DNAH11: variants seen among roughly 807,000 people sequenced by gnomAD.
DNAH11 encodes dynein axonemal heavy chain 11, also known as axonemal beta dynein heavy chain 11.
In DNAH11, 442 loss-of-function variants were observed where a neutral mutation model predicts 526.0. The observed-to-expected ratio is 0.84, with a 90% CI of 0.78 to 0.91. The LOEUF (loss-of-function observed/expected upper bound fraction) is 0.91. DNAH11 is among the 40% of genes least tolerant of loss of function. DNAH11 has a pLI of 0.00. For missense variants in DNAH11, 6,989 were observed against 5,448.7 expected (o/e 1.28, Z -8.90); for synonymous variants, 2,461 against 1,935.9 (o/e 1.27, Z -7.12).
Position 21,655,894 on chromosome 7 carries a change from G to A in DNAH11, c.5007G>A (p.Gln1669=). 1.9e-6 allele frequency: 3 copies of A among 1,613,326 alleles called. No individual in the cohort carries two copies. Among genetic ancestry groups the A allele is most frequent in the Non-Finnish European group, 2.5e-6 (3 of 1,179,548 alleles). ...CAGATCTGCAGTTTGAAGACAATCA[G>A]GATGTTTCTGCACACAGGGCAGTTG... ...SIADLQFEDN[Q]DVSAHRAVGM... Residue 1669 remains glutamine, a synonymous_variant, in exon 29 of 82, where the codon CAG becomes CAA. Transcript: ENST00000409508.
In DNAH11 at chr7:21,589,271, T is replaced by C. The variant is rs1784591457; in HGVS notation, c.2037T>C (p.Leu679=). 2 of 1,610,376 alleles carry C rather than the reference T, an allele frequency of 1.2e-6. No homozygotes were observed. Among genetic ancestry groups the C allele is most frequent in the Non-Finnish European group, 1.7e-6 (2 of 1,178,810 alleles). The change falls in exon 12 of 82, where the codon CTT becomes CTC. Residue 679 remains leucine, a synonymous_variant. Coordinates refer to ENST00000409508, the MANE Select transcript of DNAH11 (RefSeq NM_001277115.2). The part of the protein sequence containing the change: ...YQKYVEMTTL[L]DQFESRIYNE... Reference sequence around the variant, plus strand: ...AGTATGTTGAAATGACCACTTTGCTTGATCAATTTGAAAGTCGTATCTATA... The same window carrying C: ...AGTATGTTGAAATGACCACTTTGCTCGATCAATTTGAAAGTCGTATCTATA...
chr7:21,688,976 A>G (rs1181270878), intron 34 of DNAH11, among the ~76,000 whole-genome samples: 5 of 152,318 alleles, frequency 3.3e-5, no homozygotes, highest in Non-Finnish European at 5.9e-5. Context: ...AACATTTTCA[A>G]TGTCCCAAGG....
intron 65 of DNAH11, among the ~76,000 whole-genome samples, chr7:21,820,365 G>C (rs941320149): frequency 2.0e-5 from 3 of 152,154 alleles, no homozygotes; most frequent in African/African-American, 7.2e-5. Flanking sequence ...ATGGCAAGGA[G>C]TTGTCAGTTC....
At chr7:21,841,774 ATT>A (rs1405088718) in intron 65 of DNAH11, among the ~76,000 whole-genome samples, 2 of 152,206 alleles carry the variant, frequency 1.3e-5, no homozygotes, top group Non-Finnish European at 2.9e-5. Context: ...TCAAATAAAA[ATT>A]TGTAAATTAG....
At chr7:21,602,535 G>A (rs1785131910) in intron 18 of DNAH11, among the ~76,000 whole-genome samples, 1 of 151,372 alleles carries the variant, frequency 6.6e-6, no homozygotes, top group Non-Finnish European at 1.5e-5. Context: ...CTTTTTCTAT[G>A]CCAATATTGA....
At chr7:21,637,957 C>G (rs1786946845) in intron 27 of DNAH11, among the ~76,000 whole-genome samples, 1 of 152,016 alleles carries the variant, frequency 6.6e-6, no homozygotes, top group Non-Finnish European at 1.5e-5. Context: ...ATCTTATTAT[C>G]AAGAGAATTG....
intron 2 of DNAH11, among the ~76,000 whole-genome samples, chr7:21,547,406 C>A (rs967970471): frequency 3.9e-5 from 6 of 152,200 alleles, no homozygotes; most frequent in Non-Finnish European, 8.8e-5. Context: ...GGCAGTCTTG[C>A]AAGATCGGGT....
intron 76 of DNAH11, among the ~76,000 whole-genome samples, chr7:21,891,901 A>C (rs562709780): frequency 1.3e-5 from 2 of 152,198 alleles, no homozygotes; most frequent in Non-Finnish European, 2.9e-5. Flanking sequence ...ATAATTATAA[A>C]ATTCAGGTAT....
At chr7:21,553,862 C>G (rs1038153215) in intron 2 of DNAH11, among the ~76,000 whole-genome samples, 1 of 152,108 alleles carries the variant, frequency 6.6e-6, no homozygotes, top group Non-Finnish European at 1.5e-5. Flanking sequence ...CTGAGCCTCC[C>G]TTAGTAATTT....
At chr7:21,774,138 ACTG>A (rs1367601776) in intron 56 of DNAH11, 139 bp downstream of exon 56, 1 of 784,440 alleles carries the variant, frequency 1.3e-6, no homozygotes, top group Non-Finnish European at 2.0e-6. Context: ...CCAAGAATAC[ACTG>A]CTACTGCTTT....
In DNAH11 at chr7:21,748,648, G is replaced by T; in HGVS notation, c.8579G>T (p.Gly2860Val). 6.2e-7 allele frequency: 1 copy of T among 1,613,434 alleles called. No individual in the cohort carries two copies. Among genetic ancestry groups the T allele is most frequent in the Non-Finnish European group, 8.5e-7 (1 of 1,179,550 alleles). ...CTCTTGGTTGGAGTTGGGGGCAGTGGCAAGCAGAGCTTGTCCAGGCTGGCA... is the reference window on the plus strand; with the variant it reads ...CTCTTGGTTGGAGTTGGGGGCAGTGTCAAGCAGAGCTTGTCCAGGCTGGCA... ...CALLVGVGGSGKQSLSRLAAY... is the reference protein window; with the variant it reads ...CALLVGVGGSVKQSLSRLAAY... The change falls in exon 52 of 82, where the codon GGC becomes GTC. Residue 2860 changes from glycine to valine, a missense_variant. By Grantham distance (109) the Gly-to-Val change is moderately radical. Transcript: ENST00000409508.
chr7:21,772,428 A>G (rs1787481169), intron 55 of DNAH11, among the ~76,000 whole-genome samples: 1 of 148,360 alleles, frequency 6.7e-6, no homozygotes, highest in Non-Finnish European at 1.5e-5. Context: ...GTAGAAAGGT[A>G]TGTGTGTACC....
At chr7:21,825,384 A>G (rs1196685645) in intron 65 of DNAH11, among the ~76,000 whole-genome samples, 2 of 152,198 alleles carry the variant, frequency 1.3e-5, no homozygotes, top group African/African-American at 4.8e-5. Flanking sequence ...TATGTTCTAT[A>G]GTGAGATAGT....
At chr7:21,627,613 C>G (rs892373145) in intron 25 of DNAH11, among the ~76,000 whole-genome samples, 1 of 151,986 alleles carries the variant, frequency 6.6e-6, no homozygotes, top group Non-Finnish European at 1.5e-5. Flanking sequence ...TATCTTGGGT[C>G]TCTATTCTGT....
In DNAH11 at chr7:21,901,039, G is replaced by A; in HGVS notation, c.13336G>A (p.Val4446Ile). ...ARWDTQAGTI[V>I]EARLKELACP... ...CTGGGACACCCAAGCAGGAACCATT[G>A]TTGAAGCCCGTCTCAAGGAGCTGGC... Residue 4446 changes from valine to isoleucine, a missense_variant, in exon 82 of 82, where the codon GTT (valine) becomes ATT (isoleucine). Physicochemically the swap from Val to Ile is conservative, Grantham distance 29. Transcript: ENST00000409508. 4 of 1,612,278 alleles carry A rather than the reference G, an allele frequency of 2.5e-6. No homozygotes were observed. The highest frequency in any genetic ancestry group is 3.4e-6 in the Non-Finnish European group (4 of 1,179,072).
At chr7:21,611,022 T>C (rs752056982) in intron 20 of DNAH11, among the ~76,000 whole-genome samples, 1 of 152,196 alleles carries the variant, frequency 6.6e-6, no homozygotes, top group South Asian at 2.1e-4. Flanking sequence ...CCTACAGAGC[T>C]GGTAAAACAT....
chr7:21,718,086 C>G (rs1034837715), intron 43 of DNAH11, among the ~76,000 whole-genome samples, 161 bp downstream of exon 43: 1 of 150,696 alleles, frequency 6.6e-6, no homozygotes, highest in African/African-American at 2.5e-5. Flanking sequence ...CCCATGTTCC[C>G]TGGATCTTTT....
intron 63 of DNAH11, 111 bp from the exon 64 acceptor site, chr7:21,816,356 A>G (rs1789789954): frequency 1.2e-6 from 1 of 810,368 alleles, no homozygotes; most frequent in Non-Finnish European, 2.0e-6. Context: ...ACAGAAAATT[A>G]TCATGTGTTT....
At chr7:21,581,601 G>T (rs1253642545) in intron 8 of DNAH11, among the ~76,000 whole-genome samples, 1 of 152,160 alleles carries the variant, frequency 6.6e-6, no homozygotes, top group Non-Finnish European at 1.5e-5. Flanking sequence ...TAGGAGGAGA[G>T]ACTGAGGCTT....
Sources: gnomAD v4.1 joint callset for allele counts (sites outside exome capture counted in the v4.1 genomes callset) on GRCh38, gnomAD v4.1.1 for gene constraint, MANE v1.5 for transcripts, NCBI Gene and HGNC (gene_info 2026-07-23, HGNC 2026-07-21) for gene names.